ADGRB3: variants seen among roughly 807,000 people sequenced by gnomAD.
The protein encoded by ADGRB3 is brain-specific angiogenesis inhibitor 3.
ADGRB3 carries 37 observed loss-of-function variants against 193.4 expected under a neutral mutation model. The ratio of observed to expected loss-of-function variants is 0.19; its 90% CI spans 0.15 to 0.25. ADGRB3 has a LOEUF of 0.25. ADGRB3 is among the 10% of genes least tolerant of loss of function. ADGRB3 has a pLI of 1.00. For missense variants in ADGRB3, 1,637 were observed against 1,852.9 expected (o/e 0.88, Z 2.14); for synonymous variants, 690 against 644.2 (o/e 1.07, Z -1.08).
At chr6:68,724,901 T>A (rs1320654379) in intron 3 of ADGRB3, among the ~76,000 whole-genome samples, 1 of 151,722 alleles carries the variant, frequency 6.6e-6, no homozygotes, top group South Asian at 2.1e-4. Flanking sequence ...AACAAAGGCA[T>A]GTTTGCAACT....
At chr6:68,813,700 T>C (rs1335166506) in intron 3 of ADGRB3, among the ~76,000 whole-genome samples, 1 of 152,070 alleles carries the variant, frequency 6.6e-6, no homozygotes, top group Non-Finnish European at 1.5e-5. Flanking sequence ...ATGCTATCCC[T>C]CCCCACTCCC....
chr6:68,642,578 T>C (rs1305615835), intron 3 of ADGRB3, among the ~76,000 whole-genome samples: 1 of 152,256 alleles, frequency 6.6e-6, no homozygotes, highest in East Asian at 1.9e-4. Flanking sequence ...TAATGCTTCA[T>C]TAAAGTATTA....
intron 20 of ADGRB3, among the ~76,000 whole-genome samples, chr6:69,259,281 G>A (rs770420889): frequency 3.8e-4 from 58 of 152,276 alleles, no homozygotes; most frequent in African/African-American, 1.3e-3. Flanking sequence ...GTAACATGGA[G>A]CTTAAAAGTC....
intron 17 of ADGRB3, among the ~76,000 whole-genome samples, chr6:69,170,293 T>A (rs1561941087): frequency 6.6e-6 from 1 of 152,188 alleles, no homozygotes; most frequent in Non-Finnish European, 1.5e-5. Flanking sequence ...AGATCTAGAC[T>A]GTTTGAATGA....
chr6:69,200,605 G>A (rs993862100), intron 17 of ADGRB3, among the ~76,000 whole-genome samples: 7 of 152,072 alleles, frequency 4.6e-5, no homozygotes, highest in Admixed American at 3.3e-4. Context: ...TAATGTTTCT[G>A]TTCAAACCGA....
chr6:69,031,092 TTCTCTTCTCTTC>T (rs931056672), intron 13 of ADGRB3, among the ~76,000 whole-genome samples: 4 of 93,652 alleles, frequency 4.3e-5, no homozygotes, highest in African/African-American at 1.7e-4. Context: ...TTCTCTTCTC[TTCTCTTCTCTTC>T]TCTTCTCTTC....
At chr6:69,320,899 A>G (rs895464120) in intron 20 of ADGRB3, among the ~76,000 whole-genome samples, 9 of 150,468 alleles carry the variant, frequency 6.0e-5, no homozygotes, top group African/African-American at 2.2e-4. Flanking sequence ...CAGTGTTTTG[A>G]GAAAATTTTC....
Position 68,950,753 on chromosome 6 carries a change from G to A in ADGRB3, c.1196-5271G>A, listed in dbSNP as rs568274835. ...GTAAATTCATCCATGTTTTTTCTATGCCCACTGATGCCACCATAATTCAAG... is the reference window on the plus strand; with the variant it reads ...GTAAATTCATCCATGTTTTTTCTATACCCACTGATGCCACCATAATTCAAG... On this transcript the variant is annotated intron_variant, in intron 6 of 31. Transcript: ENST00000370598. Among the ~76,000 whole-genome samples the A allele has an allele frequency of 4.6e-5, 7 of 152,126 alleles. No homozygotes were observed. The South Asian group carries it at 1.5e-3, about 32-fold the overall frequency.
chr6:69,282,206 G>A (rs934660683), intron 20 of ADGRB3, among the ~76,000 whole-genome samples: 9 of 152,082 alleles, frequency 5.9e-5, no homozygotes, highest in African/African-American at 1.7e-4. Flanking sequence ...GGATTTGAAC[G>A]TCTGATTTTA....
intron 3 of ADGRB3, among the ~76,000 whole-genome samples, chr6:68,841,905 G>A (rs1768166598): frequency 6.6e-6 from 1 of 150,530 alleles, no homozygotes; most frequent in South Asian, 2.1e-4. Context: ...GAGTGGGATT[G>A]CTTAATTGGT....
chr6:68,969,425 C>T (rs771376662), intron 8 of ADGRB3, among the ~76,000 whole-genome samples: 16 of 151,994 alleles, frequency 1.1e-4, no homozygotes, highest in African/African-American at 2.9e-4. Context: ...AAATATGAGC[C>T]GTGATGGGAA....
intron 3 of ADGRB3, among the ~76,000 whole-genome samples, chr6:68,858,513 A>C (rs1435347555): frequency 1.4e-5 from 2 of 148,056 alleles, no homozygotes; most frequent in Non-Finnish European, 3.0e-5. Flanking sequence ...AAAAAAAAAA[A>C]ACACCTGAGG....
At chr6:68,930,786 C>T in intron 4 of ADGRB3, 117 bp downstream of exon 4, 2 of 804,986 alleles carry the variant, frequency 2.5e-6, no homozygotes, top group Non-Finnish European at 3.8e-6. Flanking sequence ...TTTTTCGAGC[C>T]ATTTTTTTTG....
At chr6:68,940,837 A>G (rs1767623039) in intron 5 of ADGRB3, among the ~76,000 whole-genome samples, 1 of 152,126 alleles carries the variant, frequency 6.6e-6, no homozygotes, top group African/African-American at 2.4e-5. Context: ...GATTGCAGTG[A>G]GCCGAGATCG....
At chr6:68,832,697 G>C (rs1419620920) in intron 3 of ADGRB3, among the ~76,000 whole-genome samples, 1 of 152,052 alleles carries the variant, frequency 6.6e-6, no homozygotes, top group Admixed American at 6.6e-5. Flanking sequence ...ACTTTTACTT[G>C]TCTTTCTCAT....
chr6:69,101,994 GGTGAAACC>G lies in ADGRB3; in HGVS notation c.2480+25957_2480+25964del, dbSNP rs571164306. ...CACGAGGTCAGGAGATCAAGACCACGGTGAAACCCCATCTCTACTAAAAATACAAAAAA... is the reference window on the plus strand; with the variant it reads ...CACGAGGTCAGGAGATCAAGACCACGCCATCTCTACTAAAAATACAAAAAA... On this transcript the variant is annotated intron_variant, in intron 17 of 31. Coordinates refer to ENST00000370598, the MANE Select transcript of ADGRB3 (RefSeq NM_001704.3). Among the ~76,000 whole-genome samples the G allele has an allele frequency of 3.9e-5, 6 of 152,020 alleles. No individual in the cohort carries two copies. In the South Asian group the frequency reaches 1.2e-3, roughly 32 times the overall value.
chr6:69,292,408 G>A (rs950991423), intron 20 of ADGRB3, among the ~76,000 whole-genome samples: 2 of 152,204 alleles, frequency 1.3e-5, no homozygotes, highest in Non-Finnish European at 1.5e-5. Context: ...ACAAAGAAAA[G>A]CATCCTGTAT....
chr6:68,811,561 C>T (rs969181706), intron 3 of ADGRB3, among the ~76,000 whole-genome samples: 3 of 151,984 alleles, frequency 2.0e-5, no homozygotes, highest in South Asian at 2.1e-4. Context: ...CTCTGCCTCC[C>T]ATGTTCAAGC....
intron 3 of ADGRB3, among the ~76,000 whole-genome samples, chr6:68,759,525 AT>A (rs1766355713): frequency 6.6e-6 from 1 of 152,054 alleles, no homozygotes; most frequent in Non-Finnish European, 1.5e-5. Flanking sequence ...TTTAATACAG[AT>A]GCTATGTGTG....
Sources: allele counts gnomAD v4.1 joint callset (sites outside exome capture counted in the v4.1 genomes callset), GRCh38; gene constraint gnomAD v4.1.1; transcripts MANE v1.5; gene names NCBI Gene and HGNC (gene_info 2026-07-23, HGNC 2026-07-21).